The following FGF5 variants were observed in gnomAD, a reference collection of about 807,000 sequenced individuals.
The protein encoded by FGF5 is fibroblast growth factor 5.
FGF5 carries 23 observed loss-of-function variants against 21.8 expected under a neutral mutation model. The observed-to-expected ratio is 1.05, with a 90% CI of 0.76 to 1.49. The LOEUF (loss-of-function observed/expected upper bound fraction) is 1.49, where lower values mean the gene tolerates loss of function less well. Among genes scored for constraint, FGF5 ranks in the 40% most tolerant of loss-of-function variants. The pLI is 0.00. For synonymous variants in FGF5, 158 were observed against 124.0 expected (o/e 1.27, Z -1.82); for missense variants, 352 against 332.9 (o/e 1.06, Z -0.45).
At chr4:80,267,252 G>T (rs1720123804) in intron 1 of FGF5, 73 bp downstream of exon 1, 11 of 1,234,262 alleles carry the variant, frequency 8.9e-6, no homozygotes, top group Non-Finnish European at 1.1e-5. Context: ...GCAGGTATTC[G>T]CCGGGACACA....
At chr4:80,273,050 A>G (rs541743880) in intron 1 of FGF5, among the ~76,000 whole-genome samples, 1 of 152,184 alleles carries the variant, frequency 6.6e-6, no homozygotes, top group East Asian at 1.9e-4. Context: ...TTTTGTTAAT[A>G]TTTGATAAAA....
At position 80,267,224 on chromosome 4, in the gene FGF5, G is replaced by C. The variant is rs201250199; in HGVS notation, c.355+45G>C. 1.9e-4 allele frequency: 275 copies of C among 1,477,612 alleles called. No homozygotes were observed. The Middle Eastern group carries it at 2.2e-3, about 12-fold the overall frequency. The allele number at this position is 1,477,612 out of a possible 1,614,324, so 91.5% of individuals were successfully genotyped here. ...ACAAAACCCGTCCTAGGCGGCCGCG[G>C]AAGATTCGGGAGGGACAGCAGGTAT... On this transcript the variant is annotated intron_variant, in intron 1 of 2. Coordinates refer to ENST00000312465, the MANE Select transcript of FGF5 (RefSeq NM_004464.4).
intron 2 of FGF5, among the ~76,000 whole-genome samples, chr4:80,284,940 A>C (rs1395225696): frequency 6.6e-6 from 1 of 152,196 alleles, no homozygotes; most frequent in Non-Finnish European, 1.5e-5. Flanking sequence ...TGGTATTCTC[A>C]AACACGGGAA....
intron 1 of FGF5, among the ~76,000 whole-genome samples, chr4:80,271,947 A>G (rs945684714): frequency 3.3e-5 from 5 of 152,214 alleles, no homozygotes; most frequent in Admixed American, 1.3e-4. Flanking sequence ...CAAAATCAAT[A>G]GGCCTGTGAT....
intron 1 of FGF5, among the ~76,000 whole-genome samples, chr4:80,272,465 C>G (rs1720296384): frequency 6.6e-6 from 1 of 152,006 alleles, no homozygotes; most frequent in Non-Finnish European, 1.5e-5. Flanking sequence ...CTAAATGGGT[C>G]TTTGTTTAAA....
chr4:80,278,644 C>T (rs976386906), intron 2 of FGF5, among the ~76,000 whole-genome samples: 1 of 152,152 alleles, frequency 6.6e-6, no homozygotes, highest in Admixed American at 6.5e-5. Context: ...AGCATTGATG[C>T]TGATTCCATT....
At position 80,267,089 on chromosome 4, in the gene FGF5, G is replaced by A. The variant is rs778270075; in HGVS notation, c.265G>A (p.Gly89Ser). 1.2e-6 allele frequency: 2 copies of A among 1,614,200 alleles called. No individual in the cohort carries two copies. Among genetic ancestry groups the A allele is most frequent in the South Asian group, 1.1e-5 (1 of 91,088 alleles). The change falls in exon 1 of 3, where the codon GGC becomes AGC. Residue 89 changes from glycine to serine, a missense_variant. Coordinates refer to ENST00000312465, the MANE Select transcript of FGF5 (RefSeq NM_004464.4). Reference sequence around the variant, plus strand: ...GTGGAGCCCCTCGGGGCGCCGGACCGGCAGCCTCTACTGCAGAGTGGGCAT... The same window carrying A: ...GTGGAGCCCCTCGGGGCGCCGGACCAGCAGCCTCTACTGCAGAGTGGGCAT... The part of the protein sequence containing the change: ...FQWSPSGRRT[G>S]SLYCRVGIGF...
At position 80,277,043 on chromosome 4, in the gene FGF5, A is replaced by G. The variant is rs566496881; in HGVS notation, c.459+2031A>G. On this transcript the variant is annotated intron_variant, in intron 2 of 2. Coordinates refer to ENST00000312465, the MANE Select transcript of FGF5 (RefSeq NM_004464.4). ...TTAAGGATAATTGCCACAGAAAGTA[A>G]CATATTACAAATGGAAGCCAATTAG... is the stretch of plus-strand genomic sequence containing the variant. 3.9e-5 allele frequency among the ~76,000 whole-genome samples: 6 copies of G among 152,268 alleles called. No individual in the cohort carries two copies. In the South Asian group the frequency reaches 1.2e-3, roughly 32 times the overall value.
At chr4:80,280,538 AG>A (rs1252735442) in intron 2 of FGF5, among the ~76,000 whole-genome samples, 2 of 152,244 alleles carry the variant, frequency 1.3e-5, no homozygotes, top group Admixed American at 6.5e-5. Context: ...CCCTTAGTCT[AG>A]GAATCAGAAG....
rs1720256806 is a variant in FGF5, at chr4:80,271,010, G to A, written c.355+3831G>A. Among the ~76,000 whole-genome samples the A allele has an allele frequency of 3.3e-5, 5 of 152,160 alleles. No homozygotes were observed. The South Asian group carries it at 1.0e-3, about 31-fold the overall frequency. ...GCTAAACTGAATATTTCAAGATTCA[G>A]ATTTCATAACTTGGCACAGCATATC... On this transcript the variant is annotated intron_variant, in intron 1 of 2. Coordinates refer to ENST00000312465, the MANE Select transcript of FGF5 (RefSeq NM_004464.4).
At chr4:80,268,331 G>A (rs916824378) in intron 1 of FGF5, 8 of 284,186 alleles carry the variant, frequency 2.8e-5, no homozygotes. Context: ...GCCAGGGCCT[G>A]TCAGGTACCC....
chr4:80,279,247 A>G (rs762340824), intron 2 of FGF5, among the ~76,000 whole-genome samples: 1 of 152,212 alleles, frequency 6.6e-6, no homozygotes, highest in Non-Finnish European at 1.5e-5. Context: ...TATCAACTAC[A>G]AAAGAAGGAA....
chr4:80,269,296 T>C (rs755087845), intron 1 of FGF5, among the ~76,000 whole-genome samples: 13 of 152,202 alleles, frequency 8.5e-5, no homozygotes, highest in Non-Finnish European at 1.9e-4. Context: ...CCCAGGGAGC[T>C]CAGAGAATGC....
rs1720737299 is a variant in FGF5 at position 80,286,645 on chromosome 4, A to G, written c.780A>G (p.Lys260=). 6.2e-7 allele frequency: 1 copy of G among 1,613,728 alleles called. No individual in the cohort carries two copies. Among genetic ancestry groups the G allele is most frequent in the African/African-American group, 1.3e-5 (1 of 74,872 alleles). ...CTCGGAAAAATACCAACTCAGTGAAATACAGACTCAAGTTTCGCTTTGGAT... is the reference window on the plus strand; with the variant it reads ...CTCGGAAAAATACCAACTCAGTGAAGTACAGACTCAAGTTTCGCTTTGGAT... The part of the protein sequence containing the change: ...SAPRKNTNSV[K]YRLKFRFG Residue 260 remains lysine (K), a synonymous_variant, in exon 3 of 3, where the codon AAA becomes AAG. Transcript: ENST00000312465.
Position 80,289,503 on chromosome 4 carries a change from CACA to C in FGF5, c.*2836_*2838del, listed in dbSNP as rs1203663777. On this transcript the variant is annotated 3_prime_UTR_variant, in exon 3 of 3. Transcript: ENST00000312465. Reference sequence around the variant, plus strand: ...TTGGTTATGGTTATGTTCATCTAAACACAACAATAACTTTTATATTAATATTTA... The same window carrying C: ...TTGGTTATGGTTATGTTCATCTAAACACAATAACTTTTATATTAATATTTA... The C allele has an allele frequency of 7.9e-5, 12 of 152,070 alleles. No individual in the cohort carries two copies. The highest frequency in any genetic ancestry group is 2.0e-4 in the Admixed American group (3 of 15,256). The allele number at this position is 152,070 out of a possible 1,614,324, so 9.4% of individuals were successfully genotyped here. A position where few individuals can be genotyped will look rare whatever the true frequency, so the allele number is the denominator to read the frequency against.
intron 2 of FGF5, among the ~76,000 whole-genome samples, chr4:80,278,988 A>G (rs1450681454): frequency 6.6e-6 from 1 of 152,194 alleles, no homozygotes; most frequent in Non-Finnish European, 1.5e-5. Context: ...TTCCCATGCT[A>G]AGATACCTTC....
intron 2 of FGF5, among the ~76,000 whole-genome samples, chr4:80,276,870 A>G (rs1203642912): frequency 1.3e-5 from 2 of 152,162 alleles, no homozygotes; most frequent in Non-Finnish European, 2.9e-5. Context: ...AGATTAAAAC[A>G]CCTTTAAAAT....
intron 2 of FGF5, among the ~76,000 whole-genome samples, chr4:80,276,716 TA>T (rs1338397354): frequency 2.0e-5 from 3 of 150,984 alleles, no homozygotes; most frequent in African/African-American, 7.3e-5. Flanking sequence ...TTTAAAATAT[TA>T]GTTAAAATCC....
chr4:80,271,361 T>A (rs1720267528), intron 1 of FGF5, among the ~76,000 whole-genome samples: 2 of 150,854 alleles, frequency 1.3e-5, no homozygotes, highest in South Asian at 4.2e-4. Context: ...ATTCTTGCCT[T>A]CTTCAGCCTA....
Sources: gnomAD v4.1 joint callset for allele counts (sites outside exome capture counted in the v4.1 genomes callset) on GRCh38, gnomAD v4.1.1 for gene constraint, MANE v1.5 for transcripts, NCBI Gene and HGNC (gene_info 2026-07-23, HGNC 2026-07-21) for gene names.